SCHIP1: variants seen among roughly 807,000 people sequenced by gnomAD.
SCHIP1 encodes the protein schwannomin-interacting protein 1.
SCHIP1 carries 8 observed loss-of-function variants against 29.7 expected under a neutral mutation model. The observed-to-expected ratio is 0.27, with a 90% CI of 0.16 to 0.49. The LOEUF (loss-of-function observed/expected upper bound fraction) is 0.49. Ranked by LOEUF, SCHIP1 falls within the 20% of genes least tolerant of loss-of-function variation. The probability of loss-of-function intolerance (pLI) is 0.99; values close to 1 mark genes in which losing one functional copy is unlikely to be tolerated. For missense variants in SCHIP1, 193 were observed against 294.6 expected, an observed-to-expected ratio of 0.66 and a Z score of 2.52; for synonymous variants, 76 against 94.9, an observed-to-expected ratio of 0.80 and a Z score of 1.16.
the SCHIP1 span, among the ~76,000 whole-genome samples, chr3:159,359,522 GTGTT>G: frequency 6.6e-6 from 1 of 152,136 alleles, no homozygotes; most frequent in Non-Finnish European, 1.5e-5. Flanking sequence ...ACAGATAAAA[GTGTT>G]TGGTAAATTA....
At chr3:159,863,454 G>GA (rs1553796987) in intron 1 of SCHIP1, among the ~76,000 whole-genome samples, 1 of 151,768 alleles carries the variant, frequency 6.6e-6, no homozygotes, top group African/African-American at 2.4e-5. Context: ...TAAAGATTGT[G>GA]TTTTTTTTCC....
At chr3:159,853,366 TAAAGAG>T (rs1267629865) in intron 1 of SCHIP1, 2 of 686,168 alleles carry the variant, frequency 2.9e-6, no homozygotes, top group Admixed American at 4.2e-5. Context: ...AGTGAAATTC[TAAAGAG>T]TTAAAGGATG....
chr3:159,343,982 A>C, the SCHIP1 span, among the ~76,000 whole-genome samples: 1 of 152,242 alleles, frequency 6.6e-6, no homozygotes, highest in Non-Finnish European at 1.5e-5. Flanking sequence ...AATAAGGCTT[A>C]AAATTATTTT....
chr3:159,385,279 C>T, the SCHIP1 span, among the ~76,000 whole-genome samples: 53 of 152,236 alleles, frequency 3.5e-4, no homozygotes, highest in Middle Eastern at 6.8e-3. Flanking sequence ...GTTGAACAAC[C>T]GCACATGATG....
the SCHIP1 span, among the ~76,000 whole-genome samples, chr3:159,488,665 C>A: frequency 6.6e-6 from 1 of 152,052 alleles, no homozygotes; most frequent in Non-Finnish European, 1.5e-5. Flanking sequence ...AAGGCCAGAG[C>A]AGCCCCATAA....
chr3:159,725,489 TCCTGGCCTCAAGGGATCCG>T, the SCHIP1 span, among the ~76,000 whole-genome samples: 1 of 152,108 alleles, frequency 6.6e-6, no homozygotes, highest in Non-Finnish European at 1.5e-5. Flanking sequence ...GGTCTCGAAC[TCCTGGCCTCAAGGGATCCG>T]CCTGCCTCCG....
intron 1 of SCHIP1, among the ~76,000 whole-genome samples, chr3:159,842,831 A>G (rs1158735788): frequency 6.6e-6 from 1 of 151,696 alleles, no homozygotes; most frequent in Non-Finnish European, 1.5e-5. Flanking sequence ...TCAACCAGGC[A>G]TCTAATATTT....
chr3:159,723,391 A>G, the SCHIP1 span, among the ~76,000 whole-genome samples: 17,218 of 152,180 alleles, frequency 0.11, 1,280 homozygotes, highest in Non-Finnish European at 0.16. Flanking sequence ...CAATGTTTCT[A>G]TGTTTTCTCC....
chr3:159,777,631 G>A, the SCHIP1 span, among the ~76,000 whole-genome samples: 2 of 152,120 alleles, frequency 1.3e-5, no homozygotes, highest in Non-Finnish European at 2.9e-5. Flanking sequence ...AAAAAGGGAA[G>A]AACTCCTTAA....
At chr3:159,501,006 C>T in the SCHIP1 span, among the ~76,000 whole-genome samples, 925 of 152,260 alleles carry the variant, frequency 6.1e-3, 9 homozygotes, top group African/African-American at 0.021. Flanking sequence ...TGATGCTATA[C>T]TGTACACTTG....
At chr3:159,342,146 C>A in the SCHIP1 span, among the ~76,000 whole-genome samples, 4 of 152,132 alleles carry the variant, frequency 2.6e-5, no homozygotes, top group South Asian at 2.1e-4. Context: ...CAGTTCCAAT[C>A]CCCTTTCTGC....
At chr3:159,401,943 A>G in the SCHIP1 span, among the ~76,000 whole-genome samples, 1 of 152,284 alleles carries the variant, frequency 6.6e-6, no homozygotes, top group African/African-American at 2.4e-5. Flanking sequence ...ATCTAATTAA[A>G]CTAGAGAGCT....
the SCHIP1 span, among the ~76,000 whole-genome samples, chr3:159,558,820 C>T: frequency 3.9e-5 from 6 of 152,226 alleles, no homozygotes; most frequent in South Asian, 1.0e-3. Context: ...TGCTACCCCA[C>T]CTCCCCTGTC....
chr3:159,588,335 TA>T, the SCHIP1 span, among the ~76,000 whole-genome samples: 1 of 152,220 alleles, frequency 6.6e-6, no homozygotes, highest in African/African-American at 2.4e-5. Flanking sequence ...CTTGTAAATT[TA>T]TTTGAGTTCT....
At chr3:159,680,645 A>T in the SCHIP1 span, among the ~76,000 whole-genome samples, 2,936 of 83,240 alleles carry the variant, frequency 0.035, 243 homozygotes, top group African/African-American at 0.15. Context: ...TATATTATAT[A>T]ATATATGTAT....
At chr3:159,379,376 G>A in the SCHIP1 span, among the ~76,000 whole-genome samples, 36 of 151,922 alleles carry the variant, frequency 2.4e-4, no homozygotes, top group Admixed American at 2.2e-3. Flanking sequence ...CACCCGCCAC[G>A]ATGCCTGGCT....
At chr3:159,864,130 A>T in intron 1 of SCHIP1, among the ~76,000 whole-genome samples, 1 of 152,190 alleles carries the variant, frequency 6.6e-6, no homozygotes, top group East Asian at 1.9e-4. Context: ...AGGTTCACTG[A>T]CTGTACAAAA....
the SCHIP1 span, among the ~76,000 whole-genome samples, chr3:159,514,139 C>T: frequency 4.6e-5 from 7 of 152,290 alleles, no homozygotes; most frequent in East Asian, 7.7e-4. Context: ...GGCAAACTGG[C>T]TTCCCTCACA....
chr3:159,884,427 A>C (rs1716772291), intron 2 of SCHIP1, among the ~76,000 whole-genome samples: 2 of 151,100 alleles, frequency 1.3e-5, no homozygotes, highest in Non-Finnish European at 2.9e-5. Flanking sequence ...TAAAAGTAAA[A>C]AGGTGGCAAA....
Sources: allele counts gnomAD v4.1 joint callset (sites outside exome capture counted in the v4.1 genomes callset), GRCh38; gene constraint gnomAD v4.1.1; transcripts MANE v1.5; gene names NCBI Gene and HGNC (gene_info 2026-07-23, HGNC 2026-07-21).